The following TSC22D1 variants were observed in gnomAD, a reference collection of about 807,000 sequenced individuals.
TSC22D1 encodes the protein TSC22 domain family member 1.
TSC22D1 carries 9 observed loss-of-function variants against 74.2 expected under a neutral mutation model. The observed-to-expected ratio is 0.12, with a 90% CI of 0.07 to 0.21. The LOEUF is 0.21. Among genes scored for constraint, TSC22D1 ranks in the 10% least tolerant of loss-of-function variants. TSC22D1 has a pLI of 1.00. For missense variants in TSC22D1, 1,427 were observed against 1,304.7 expected (o/e 1.09, Z -1.44); for synonymous variants, 586 against 492.5 (o/e 1.19, Z -2.51).
intron 1 of TSC22D1, among the ~76,000 whole-genome samples, chr13:44,561,711 T>C (rs9595154): frequency 0.019 from 2,840 of 152,276 alleles, 82 homozygotes; most frequent in African/African-American, 0.064. Flanking sequence ...TTGTTATACT[T>C]TTCCCAAATG....
At chr13:44,572,944 C>A (rs1051352993) in intron 1 of TSC22D1, among the ~76,000 whole-genome samples, 57 of 152,188 alleles carry the variant, frequency 3.7e-4, no homozygotes, top group Admixed American at 3.9e-4. Flanking sequence ...ACATGCTCAA[C>A]AACTATTCTG....
intron 1 of TSC22D1, chr13:44,539,740 C>T: frequency 8.0e-7 from 1 of 1,247,176 alleles, no homozygotes. Flanking sequence ...TATAAATTAA[C>T]CCAAGTAAAT....
intron 1 of TSC22D1, among the ~76,000 whole-genome samples, chr13:44,448,728 T>C (rs796135106): frequency 2.6e-5 from 4 of 152,318 alleles, no homozygotes; most frequent in African/African-American, 9.6e-5. Flanking sequence ...AAAATGGACC[T>C]TGGAGATCAT....
chr13:44,505,486 T>G (rs1426183619), intron 1 of TSC22D1, among the ~76,000 whole-genome samples: 1 of 152,012 alleles, frequency 6.6e-6, no homozygotes, highest in Non-Finnish European at 1.5e-5. Flanking sequence ...CCCTGGAGGT[T>G]GAGGCTGCAG....
chr13:44,496,811 C>T (rs1233963683), intron 1 of TSC22D1, among the ~76,000 whole-genome samples: 2 of 151,988 alleles, frequency 1.3e-5, no homozygotes, highest in East Asian at 3.9e-4. Flanking sequence ...GCTACTACTG[C>T]ACTCCAGCCT....
intron 1 of TSC22D1, among the ~76,000 whole-genome samples, chr13:44,543,672 G>C (rs1466799709): frequency 6.6e-6 from 1 of 152,182 alleles, no homozygotes; most frequent in Admixed American, 6.5e-5. Flanking sequence ...AGGTAACTCA[G>C]TAAATGCTTT....
intron 1 of TSC22D1, among the ~76,000 whole-genome samples, chr13:44,560,770 T>C (rs1175493384): frequency 1.3e-5 from 2 of 152,214 alleles, no homozygotes; most frequent in Admixed American, 6.5e-5. Context: ...AATTTATTCT[T>C]ACACCCATGA....
chr13:44,459,338 G>T (rs1274983307), intron 1 of TSC22D1, among the ~76,000 whole-genome samples: 1 of 152,138 alleles, frequency 6.6e-6, no homozygotes, highest in Non-Finnish European at 1.5e-5. Context: ...TGACCTGCCT[G>T]TGGAAAGGAG....
Position 44,573,292 on chromosome 13 carries a change from A to T in TSC22D1, c.2783T>A (p.Ile928Asn), listed in dbSNP as rs1391838311. The T allele has an allele frequency of 6.2e-7, 1 of 1,614,210 alleles. No individual in the cohort carries two copies. The highest frequency in any genetic ancestry group is 2.2e-5 in the East Asian group (1 of 44,886). The change falls in exon 1 of 3, where the codon ATC (isoleucine) becomes AAC (asparagine). Residue 928 changes from isoleucine to asparagine, a missense_variant. Physicochemically the swap from Ile to Asn is moderately radical, Grantham distance 149. Around this residue, in one of 3 missense-constraint regions of TSC22D1, gnomAD observed 1,343 missense variants for 1,191.5 expected, o/e 1.13. Transcript: ENST00000458659. Reference sequence around the variant, plus strand: ...TGACATTCCCCCACTGTCACCACTGATAGTCTGAGGTAAGCCAACTAAGGA... The same window carrying T: ...TGACATTCCCCCACTGTCACCACTGTTAGTCTGAGGTAAGCCAACTAAGGA... ...EPSLVGLPQT[I>N]SGDSGGMSAV...
chr13:44,556,915 G>A (rs944375188), intron 1 of TSC22D1, among the ~76,000 whole-genome samples: 2 of 151,896 alleles, frequency 1.3e-5, no homozygotes, highest in Admixed American at 6.6e-5. Flanking sequence ...AGGCCGAGGC[G>A]GGCGGATCAC....
chr13:44,563,918 G>T (rs1347367848), intron 1 of TSC22D1, among the ~76,000 whole-genome samples: 2 of 152,096 alleles, frequency 1.3e-5, no homozygotes, highest in African/African-American at 4.8e-5. Flanking sequence ...CTATTACTTA[G>T]CCCTTATATT....
chr13:44,505,852 C>A (rs554250085), intron 1 of TSC22D1, among the ~76,000 whole-genome samples: 2 of 152,288 alleles, frequency 1.3e-5, no homozygotes, highest in South Asian at 4.1e-4. Context: ...GCTTATGGAA[C>A]AGAAGAAATC....
chr13:44,537,181 A>G, intron 1 of TSC22D1: 2 of 874,528 alleles, frequency 2.3e-6, no homozygotes, highest in Non-Finnish European at 2.7e-6. Flanking sequence ...ATTCTAGAAA[A>G]AAATAGTTTA....
chr13:44,447,721 G>T (rs1875796679), intron 1 of TSC22D1, among the ~76,000 whole-genome samples: 1 of 149,814 alleles, frequency 6.7e-6, no homozygotes, highest in African/African-American at 2.5e-5. Flanking sequence ...CTTTTAAATT[G>T]TTACAATTCT....
chr13:44,435,077 A>C (rs533165415), intron 2 of TSC22D1, 194 bp from the exon 3 acceptor site: 7 of 557,990 alleles, frequency 1.3e-5, no homozygotes, highest in African/African-American at 9.7e-5. Context: ...ATAAATGATC[A>C]AGCTTTGTAA....
intron 1 of TSC22D1, among the ~76,000 whole-genome samples, chr13:44,472,528 C>T (rs555703374): frequency 6.6e-5 from 10 of 152,260 alleles, no homozygotes; most frequent in South Asian, 6.2e-4. Flanking sequence ...GTCCCTAAAA[C>T]GGAAACATGA....
intron 1 of TSC22D1, among the ~76,000 whole-genome samples, chr13:44,566,657 T>A (rs1278050202): frequency 6.6e-6 from 1 of 152,146 alleles, no homozygotes; most frequent in Non-Finnish European, 1.5e-5. Flanking sequence ...ATTTTTTCAC[T>A]CCTTCCCTAA....
intron 1 of TSC22D1, among the ~76,000 whole-genome samples, chr13:44,448,023 A>G (rs1398168632): frequency 6.6e-6 from 1 of 152,048 alleles, no homozygotes; most frequent in African/African-American, 2.4e-5. Context: ...TTCATAAATT[A>G]CCACTTCTGC....
At position 44,488,123 on chromosome 13, in the gene TSC22D1, C is replaced by T. The variant is rs76747960; in HGVS notation, c.2913-52028G>A. The stretch of plus-strand genomic sequence containing the variant: ...ATCTACCAAAATCTACAGAACACAT[C>T]CTTCTTAATGGTCAAATGTCAGAAG... On this transcript the variant is annotated intron_variant, in intron 1 of 2. Coordinates refer to ENST00000458659, the MANE Select transcript of TSC22D1 (RefSeq NM_183422.4). 5.5e-3 allele frequency among the ~76,000 whole-genome samples: 836 copies of T among 152,266 alleles called. 2 individuals are homozygous for T. Among genetic ancestry groups the T allele is most frequent in the Middle Eastern group, 0.01 (3 of 294 alleles).
Sources: allele counts gnomAD v4.1 joint callset (sites outside exome capture counted in the v4.1 genomes callset), GRCh38; gene constraint gnomAD v4.1.1; regional missense constraint gnomAD v4.1.1; transcripts MANE v1.5; gene names NCBI Gene and HGNC (gene_info 2026-07-23, HGNC 2026-07-21).